The following KREMEN1 variants were observed in gnomAD, a reference collection of about 807,000 sequenced individuals.
The protein encoded by KREMEN1 is kringle containing transmembrane protein 1, also known as kremen protein 1.
Under a neutral mutation model 46.5 loss-of-function variants are expected in KREMEN1, and 30 were observed. That is an observed-to-expected ratio of 0.65 (90% CI 0.48 to 0.88). The LOEUF is 0.88. Among genes scored for constraint, KREMEN1 ranks in the 40% least tolerant of loss-of-function variants. The pLI, the probability that KREMEN1 is intolerant of heterozygous loss-of-function variation, is 0.00. For synonymous variants in KREMEN1, 214 were observed against 230.6 expected (o/e 0.93, Z 0.65); for missense variants, 533 against 596.9 (o/e 0.89, Z 1.11).
rs2038860986 is a variant in KREMEN1 at position 29,146,271 on chromosome 22, G to A, written c.*4159G>A. ...CAGGTCTCAGCTTAGCTTCCCTGGT[G>A]TGGGGTGTTTTTCAAGCCTTCCAGC... On this transcript the variant is annotated 3_prime_UTR_variant, in exon 9 of 9. Transcript: ENST00000400335. 3.0e-6 allele frequency: 3 copies of A among 985,846 alleles called. No individual in the cohort carries two copies. The highest frequency in any genetic ancestry group is 3.6e-6 in the Non-Finnish European group (3 of 830,018). 61.1% of individuals were successfully genotyped at this position (985,846 alleles called of 1,614,324 possible). A position where few individuals can be genotyped will look rare whatever the true frequency, so the allele number is the denominator to read the frequency against.
rs2038818337 is a variant in KREMEN1, at chr22:29,144,288, A to T, written c.*2176A>T. The T allele has an allele frequency of 1.0e-6, 1 of 985,576 alleles. No homozygotes were observed. The highest frequency in any genetic ancestry group is 4.7e-5 in the South Asian group (1 of 21,296). The allele number at this position is 985,576 out of a possible 1,614,324, so 61.1% of individuals were successfully genotyped here. A position where few individuals can be genotyped will look rare whatever the true frequency, so the allele number is the denominator to read the frequency against. ...CTGGGAGGAAAGAGGGCCACACAGG[A>T]AGTGTCTGCAGGGAGAGGTGGCACT... is the stretch of plus-strand genomic sequence containing the variant. On this transcript the variant is annotated 3_prime_UTR_variant, in exon 9 of 9. Coordinates refer to ENST00000400335, the MANE Select transcript of KREMEN1 (RefSeq NM_001039570.3).
intron 2 of KREMEN1, among the ~76,000 whole-genome samples, chr22:29,098,073 G>A (rs933843620): frequency 1.6e-4 from 25 of 152,032 alleles, no homozygotes; most frequent in African/African-American, 5.8e-4. Flanking sequence ...CCAGCTACTC[G>A]GGAGGCTTGA....
At chr22:29,117,792 C>T (rs2038266516) in intron 3 of KREMEN1, among the ~76,000 whole-genome samples, 1 of 152,114 alleles carries the variant, frequency 6.6e-6, no homozygotes, top group African/African-American at 2.4e-5. Flanking sequence ...AAACTAAGGT[C>T]CACAGAGATT....
chr22:29,145,893 C>G lies in KREMEN1; in HGVS notation c.*3781C>G. ...TAGAACCCACGGGCGTGCCTGGGTG[C>G]GGCTCCACCCACATGCCCCACTGTC... is the stretch of plus-strand genomic sequence containing the variant. On this transcript the variant is annotated 3_prime_UTR_variant, in exon 9 of 9. Coordinates refer to ENST00000400335, the MANE Select transcript of KREMEN1 (RefSeq NM_001039570.3). The G allele has an allele frequency of 1.0e-6, 1 of 985,776 alleles. No individual in the cohort carries two copies. The allele number at this position is 985,776 out of a possible 1,614,324, so 61.1% of individuals were successfully genotyped here.
At chr22:29,091,926 T>C (rs755078513) in intron 1 of KREMEN1, among the ~76,000 whole-genome samples, 4 of 152,140 alleles carry the variant, frequency 2.6e-5, no homozygotes, top group Non-Finnish European at 5.9e-5. Context: ...GTTCACAGAA[T>C]TAAAAGCAGA....
chr22:29,114,172 G>A (rs1455111230), intron 3 of KREMEN1, among the ~76,000 whole-genome samples: 1 of 152,044 alleles, frequency 6.6e-6, no homozygotes, highest in Non-Finnish European at 1.5e-5. Context: ...TCCCAGGATG[G>A]GATTAGTGTC....
chr22:29,079,553 G>A (rs1047198044), intron 1 of KREMEN1, among the ~76,000 whole-genome samples: 1 of 152,244 alleles, frequency 6.6e-6, no homozygotes, highest in Non-Finnish European at 1.5e-5. Flanking sequence ...AAACCCAAGT[G>A]TCACACCACA....
intron 1 of KREMEN1, among the ~76,000 whole-genome samples, chr22:29,075,258 C>T (rs1036937638): frequency 2.6e-5 from 4 of 152,088 alleles, no homozygotes; most frequent in Non-Finnish European, 4.4e-5. Context: ...GTTTAATGTC[C>T]CCTACAAAGA....
intron 5 of KREMEN1, among the ~76,000 whole-genome samples, chr22:29,135,166 T>C (rs968921138): frequency 6.6e-6 from 1 of 152,198 alleles, no homozygotes; most frequent in Non-Finnish European, 1.5e-5. Context: ...TTGCATCGGC[T>C]GCAGTATCCT....
At chr22:29,101,350 T>C (rs2037973963) in intron 3 of KREMEN1, among the ~76,000 whole-genome samples, 2 of 150,934 alleles carry the variant, frequency 1.3e-5, no homozygotes, top group Admixed American at 6.6e-5. Flanking sequence ...TATTATGAAA[T>C]AGTCAAAAAG....
chr22:29,091,114 C>T (rs1569314604), intron 1 of KREMEN1, among the ~76,000 whole-genome samples: 1 of 152,214 alleles, frequency 6.6e-6, no homozygotes, highest in Non-Finnish European at 1.5e-5. Context: ...GCTGGGATTA[C>T]AGGCATGCAC....
In KREMEN1 at chr22:29,142,240, A is replaced by G; in HGVS notation, c.*128A>G. 7.3e-6 allele frequency: 10 copies of G among 1,373,072 alleles called. No homozygotes were observed. Among genetic ancestry groups the G allele is most frequent in the Non-Finnish European group, 9.4e-6 (10 of 1,066,680 alleles). 85.1% of individuals were successfully genotyped at this position (1,373,072 alleles called of 1,614,324 possible). ...CCTCTGCCTCGGCCTCTTCGGGGAA[A>G]CCCTCCTCCTACAGACTAGGAAGAG... On this transcript the variant is annotated 3_prime_UTR_variant, in exon 9 of 9. Coordinates refer to ENST00000400335, the MANE Select transcript of KREMEN1 (RefSeq NM_001039570.3).
At chr22:29,120,084 T>G (rs113296314) in intron 3 of KREMEN1, among the ~76,000 whole-genome samples, 1,108 of 17,124 alleles carry the variant, frequency 0.065, 110 homozygotes, top group African/African-American at 0.22. Context: ...ATGAAGGAAA[T>G]GGAGGAGGGA....
chr22:29,077,942 T>A (rs553495251), intron 1 of KREMEN1, among the ~76,000 whole-genome samples: 2 of 152,272 alleles, frequency 1.3e-5, no homozygotes, highest in South Asian at 2.1e-4. Flanking sequence ...TTTGTGCACG[T>A]ACATTTGGGT....
chr22:29,131,756 GTA>G (rs201782625), intron 5 of KREMEN1, among the ~76,000 whole-genome samples: 8,100 of 130,910 alleles, frequency 0.062, 326 homozygotes, highest in East Asian at 0.085. Flanking sequence ...ATGTATATAT[GTA>G]TATATATATG....
At chr22:29,131,622 G>T (rs6006005) in intron 5 of KREMEN1, among the ~76,000 whole-genome samples, 4 of 125,358 alleles carry the variant, frequency 3.2e-5, no homozygotes, top group African/African-American at 1.4e-4. Context: ...GTATATATAT[G>T]TATATATGTA....
At chr22:29,119,654 A>G (rs60791058) in intron 3 of KREMEN1, among the ~76,000 whole-genome samples, 6,263 of 152,324 alleles carry the variant, frequency 0.041, 475 homozygotes, top group African/African-American at 0.14. Flanking sequence ...GCATAGCAGA[A>G]TCATTGAGGT....
At position 29,146,002 on chromosome 22, in the gene KREMEN1, C is replaced by T. The variant is rs984687379; in HGVS notation, c.*3890C>T. On this transcript the variant is annotated 3_prime_UTR_variant, in exon 9 of 9. Transcript: ENST00000400335. ...ATCACCCAGCCCCGATGCATCCTGG[C>T]ACTGCACGCTTACTCTTCACAAGCA... is the stretch of plus-strand genomic sequence containing the variant. The T allele has an allele frequency of 3.3e-5, 33 of 985,842 alleles. No individual in the cohort carries two copies. Among genetic ancestry groups the T allele is most frequent in the East Asian group, 1.1e-4 (1 of 8,822 alleles). 61.1% of individuals were successfully genotyped at this position (985,842 alleles called of 1,614,324 possible).
chr22:29,150,349 C>A (rs753681563), downstream of KREMEN1, among the ~76,000 whole-genome samples: 2 of 152,186 alleles, frequency 1.3e-5, no homozygotes, highest in Non-Finnish European at 2.9e-5. Flanking sequence ...TTGGAATAAA[C>A]CCGTTAGCTC....
Sources: allele counts gnomAD v4.1 joint callset (sites outside exome capture counted in the v4.1 genomes callset), GRCh38; gene constraint gnomAD v4.1.1; transcripts MANE v1.5; gene names NCBI Gene and HGNC (gene_info 2026-07-23, HGNC 2026-07-21).